Variants in ITGBL1 observed in about 807,000 individuals in gnomAD.
ITGBL1 encodes the protein integrin beta-like protein 1.
Under a neutral mutation model 68.5 loss-of-function variants are expected in ITGBL1, and 51 were observed. The observed-to-expected ratio is 0.74, with a 90% CI of 0.59 to 0.94. ITGBL1 has a LOEUF of 0.94. ITGBL1 is among the 40% of genes least tolerant of loss of function. The pLI is 0.00. For missense variants in ITGBL1, 649 were observed against 647.4 expected (o/e 1.00, Z -0.03); for synonymous variants, 209 against 227.3 (o/e 0.92, Z 0.72).
chr13:101,614,695 A>C (rs1292249971), intron 7 of ITGBL1, among the ~76,000 whole-genome samples: 1 of 152,094 alleles, frequency 6.6e-6, no homozygotes, highest in African/African-American at 2.4e-5. Context: ...CTGAGAAGTG[A>C]GGCGCATGCT....
At chr13:101,506,975 G>A (rs1461263476) in intron 2 of ITGBL1, among the ~76,000 whole-genome samples, 1 of 152,126 alleles carries the variant, frequency 6.6e-6, no homozygotes, top group African/African-American at 2.4e-5. Context: ...AGACATTGGG[G>A]AAGATCTGGG....
At chr13:101,469,156 G>A (rs1249588101) in intron 2 of ITGBL1, among the ~76,000 whole-genome samples, 2 of 152,080 alleles carry the variant, frequency 1.3e-5, no homozygotes, top group East Asian at 3.9e-4. Context: ...TTTAATATAC[G>A]TATAGCCTTT....
intron 7 of ITGBL1, among the ~76,000 whole-genome samples, chr13:101,632,851 C>T (rs1017934792): frequency 3.3e-5 from 5 of 152,196 alleles, no homozygotes; most frequent in African/African-American, 1.2e-4. Context: ...GAGTCACAGA[C>T]TAAGTCTAGC....
intron 7 of ITGBL1, among the ~76,000 whole-genome samples, chr13:101,605,581 C>G (rs760361248): frequency 1.3e-5 from 2 of 150,748 alleles, no homozygotes; most frequent in Admixed American, 6.6e-5. Flanking sequence ...TATATATACA[C>G]GTATTTAGAC....
chr13:101,507,657 G>A (rs924177596), intron 2 of ITGBL1, among the ~76,000 whole-genome samples: 1 of 151,868 alleles, frequency 6.6e-6, no homozygotes, highest in Non-Finnish European at 1.5e-5. Context: ...GGTGTTTTAA[G>A]GCAAAATGGA....
chr13:101,553,583 A>G (rs926152129), intron 2 of ITGBL1, among the ~76,000 whole-genome samples: 4 of 152,066 alleles, frequency 2.6e-5, no homozygotes, highest in African/African-American at 9.7e-5. Flanking sequence ...TTTTGTCACA[A>G]TGTTTTGGAG....
chr13:101,672,814 T>C lies in ITGBL1; in HGVS notation c.1016-19771T>C, dbSNP rs151337145. 8.7e-3 allele frequency among the ~76,000 whole-genome samples: 1,319 copies of C among 152,262 alleles called. 13 individuals are homozygous for C. The highest frequency in any genetic ancestry group is 0.011 in the Non-Finnish European group (773 of 68,018). On this transcript the variant is annotated intron_variant, in intron 7 of 10. Transcript: ENST00000376180. Reference sequence around the variant, plus strand: ...CCTTAACCCATTCCATGTGTGCGTGTCCATGTTGTTAATCTTCTCAGCACA... The same window carrying C: ...CCTTAACCCATTCCATGTGTGCGTGCCCATGTTGTTAATCTTCTCAGCACA...
At chr13:101,557,249 CTGGAAGGCA>C (rs2050022695) in intron 2 of ITGBL1, among the ~76,000 whole-genome samples, 1 of 152,228 alleles carries the variant, frequency 6.6e-6, no homozygotes, top group Admixed American at 6.5e-5. Context: ...ATTTTCAACA[CTGGAAGGCA>C]TGTTAAATAT....
intron 2 of ITGBL1, among the ~76,000 whole-genome samples, chr13:101,496,268 T>G (rs766649041): frequency 5.3e-5 from 8 of 152,170 alleles, no homozygotes; most frequent in Non-Finnish European, 8.8e-5. Context: ...GACACAGCCC[T>G]GGGCATATAG....
At chr13:101,638,951 A>C (rs901090731) in intron 7 of ITGBL1, among the ~76,000 whole-genome samples, 1 of 152,174 alleles carries the variant, frequency 6.6e-6, no homozygotes, top group African/African-American at 2.4e-5. Context: ...AACTGTATTT[A>C]TTATTAATTT....
intron 2 of ITGBL1, among the ~76,000 whole-genome samples, chr13:101,557,437 C>T (rs1407698263): frequency 6.6e-6 from 1 of 152,052 alleles, no homozygotes; most frequent in Non-Finnish European, 1.5e-5. Context: ...TCCTTGTGCC[C>T]CTGTATTAAA....
At chr13:101,493,210 G>T (rs528541370) in intron 2 of ITGBL1, among the ~76,000 whole-genome samples, 18 of 152,176 alleles carry the variant, frequency 1.2e-4, no homozygotes, top group African/African-American at 3.9e-4. Flanking sequence ...CAGCTGAACC[G>T]TATGAGTTTC....
chr13:101,611,295 C>G (rs2031115073), intron 7 of ITGBL1, among the ~76,000 whole-genome samples: 1 of 152,180 alleles, frequency 6.6e-6, no homozygotes, highest in African/African-American at 2.4e-5. Context: ...TTTTATTTAA[C>G]TGAATTTAGC....
intron 7 of ITGBL1, among the ~76,000 whole-genome samples, chr13:101,644,344 G>T (rs2032489117): frequency 6.6e-6 from 1 of 152,106 alleles, no homozygotes; most frequent in South Asian, 2.1e-4. Flanking sequence ...ATTGCATTTG[G>T]AATCTGAGTG....
intron 6 of ITGBL1, among the ~76,000 whole-genome samples, chr13:101,588,408 G>A (rs1272891567): frequency 1.3e-5 from 2 of 152,028 alleles, no homozygotes; most frequent in African/African-American, 4.8e-5. Context: ...GCACCATGCC[G>A]AATCTTTCAT....
At chr13:101,700,562 C>T (rs2034112981) in intron 8 of ITGBL1, among the ~76,000 whole-genome samples, 1 of 152,226 alleles carries the variant, frequency 6.6e-6, no homozygotes, top group African/African-American at 2.4e-5. Context: ...TATATCGTCA[C>T]ATCATTCACT....
intron 7 of ITGBL1, 119 bp downstream of exon 7, chr13:101,598,418 GT>G: frequency 3.8e-6 from 3 of 792,244 alleles, no homozygotes; most frequent in Non-Finnish European, 5.3e-6. Flanking sequence ...TGGTTTTTTT[GT>G]TTTTTATTTT....
At chr13:101,657,944 T>C (rs1026726976) in intron 7 of ITGBL1, among the ~76,000 whole-genome samples, 2 of 152,098 alleles carry the variant, frequency 1.3e-5, no homozygotes, top group African/African-American at 2.4e-5. Context: ...TTTGAGAGAG[T>C]TCATGAGCAA....
intron 7 of ITGBL1, among the ~76,000 whole-genome samples, chr13:101,626,552 T>G (rs928736063): frequency 1.3e-5 from 2 of 152,156 alleles, no homozygotes; most frequent in Non-Finnish European, 1.5e-5. Flanking sequence ...CCTGGCAGTT[T>G]CTACTACCTT....
Sources: gnomAD v4.1 joint callset for allele counts (sites outside exome capture counted in the v4.1 genomes callset) on GRCh38, gnomAD v4.1.1 for gene constraint, MANE v1.5 for transcripts, NCBI Gene and HGNC (gene_info 2026-07-23, HGNC 2026-07-21) for gene names.